Variants in CNTN4 observed in about 807,000 individuals in gnomAD.
CNTN4 encodes contactin 4.
A neutral mutation model predicts 122.5 loss-of-function variants in CNTN4; 77 were observed. The observed-to-expected ratio is 0.63, with a 90% CI of 0.52 to 0.76. The LOEUF (loss-of-function observed/expected upper bound fraction) is 0.76, where lower values mean the gene tolerates loss of function less well. CNTN4 is among the 30% of genes least tolerant of loss of function. The pLI, the probability that CNTN4 is intolerant of heterozygous loss-of-function variation, is 0.00. For missense variants in CNTN4, 1,256 were observed against 1,259.1 expected (o/e 1.00, Z 0.04); for synonymous variants, 512 against 447.0 (o/e 1.15, Z -1.83).
intron 3 of CNTN4, among the ~76,000 whole-genome samples, chr3:2,389,170 A>AT (rs1460019971): frequency 6.6e-6 from 1 of 151,936 alleles, no homozygotes; most frequent in African/African-American, 2.4e-5. Flanking sequence ...CAAAAAAAAA[A>AT]GCCACCTAAG....
At chr3:2,798,877 C>T (rs528354217) in intron 6 of CNTN4, among the ~76,000 whole-genome samples, 8 of 152,202 alleles carry the variant, frequency 5.3e-5, no homozygotes, top group Non-Finnish European at 1.0e-4. Context: ...ATTGCCTGAT[C>T]AATTGGTAGT....
intron 4 of CNTN4, among the ~76,000 whole-genome samples, chr3:2,713,741 G>T (rs112372278): frequency 5.5e-4 from 84 of 152,272 alleles, no homozygotes; most frequent in Middle Eastern, 3.4e-3. Flanking sequence ...TGTAAAATGA[G>T]AATGTTGAGA....
At chr3:2,630,675 G>A (rs376809619) in intron 4 of CNTN4, among the ~76,000 whole-genome samples, 2 of 150,364 alleles carry the variant, frequency 1.3e-5, no homozygotes, top group African/African-American at 4.9e-5. Flanking sequence ...AATTAGTATG[G>A]TATATCCCTA....
chr3:2,710,753 C>T (rs2087096072), intron 4 of CNTN4, among the ~76,000 whole-genome samples: 1 of 152,136 alleles, frequency 6.6e-6, no homozygotes, highest in Admixed American at 6.6e-5. Flanking sequence ...AAGTTTGTTA[C>T]AAAGGAAAAT....
At chr3:2,548,167 T>G (rs1220425665) in intron 3 of CNTN4, among the ~76,000 whole-genome samples, 3 of 152,208 alleles carry the variant, frequency 2.0e-5, no homozygotes, top group Non-Finnish European at 4.4e-5. Flanking sequence ...GTGCGGAAGC[T>G]CTTTACTGTA....
intron 3 of CNTN4, among the ~76,000 whole-genome samples, chr3:2,357,977 G>A (rs909461452): frequency 2.6e-5 from 4 of 152,110 alleles, no homozygotes; most frequent in Non-Finnish European, 5.9e-5. Flanking sequence ...TGTAATATGT[G>A]AATTCTACAC....
intron 8 of CNTN4, among the ~76,000 whole-genome samples, chr3:2,872,132 CAA>C (rs10558916): frequency 0.92 from 139,422 of 152,086 alleles, 64,020 homozygotes; most frequent in East Asian, 0.97. Flanking sequence ...GCACAGATCT[CAA>C]AGAGTTATCC....
rs1337088607 is a variant in CNTN4 at position 2,338,961 on chromosome 3, C to A, written c.-144-217C>A. ...GATGACCTTCTCAAAAGTCACTCAG[C>A]TCATGGGAGGCAAGGCGGAGAATGG... On this transcript the variant is annotated intron_variant, in intron 2 of 24. Transcript: ENST00000418658. 2.6e-5 allele frequency among the ~76,000 whole-genome samples: 4 copies of A among 152,030 alleles called. No individual in the cohort carries two copies. In the South Asian group the frequency reaches 8.3e-4, roughly 31 times the overall value.
chr3:2,653,883 G>C lies in CNTN4; in HGVS notation c.55+82325G>C, dbSNP rs147971868. 2.5e-3 allele frequency among the ~76,000 whole-genome samples: 383 copies of C among 152,270 alleles called. 2 individuals are homozygous for C. The highest frequency in any genetic ancestry group is 8.7e-3 in the African/African-American group (360 of 41,560). On this transcript the variant is annotated intron_variant, in intron 4 of 24. Coordinates refer to ENST00000418658, the MANE Select transcript of CNTN4 (RefSeq NM_175607.3). ...TCTACCAAACCCAGGATGTGTTTTTGATTTATGTGATTTGTGGTTTTGAGT... is the reference window on the plus strand; with the variant it reads ...TCTACCAAACCCAGGATGTGTTTTTCATTTATGTGATTTGTGGTTTTGAGT...
At chr3:2,779,237 GTTGT>G (rs1435878555) in intron 6 of CNTN4, among the ~76,000 whole-genome samples, 11 of 139,012 alleles carry the variant, frequency 7.9e-5, no homozygotes, top group Non-Finnish European at 1.4e-4. Flanking sequence ...AGGTTGTGGT[GTTGT>G]TTGTTTTGTT....
intron 2 of CNTN4, among the ~76,000 whole-genome samples, chr3:2,195,376 A>G (rs1310272624): frequency 1.3e-5 from 2 of 152,336 alleles, no homozygotes; most frequent in Admixed American, 6.5e-5. Flanking sequence ...AAATGCTTCA[A>G]TGAACACGGG....
At chr3:2,231,667 G>A (rs1271564651) in intron 2 of CNTN4, among the ~76,000 whole-genome samples, 2 of 152,024 alleles carry the variant, frequency 1.3e-5, no homozygotes, top group African/African-American at 2.4e-5. Context: ...TGGTTATTTT[G>A]GGTTAAAGTC....
chr3:2,190,878 C>T (rs1355061005), intron 2 of CNTN4, among the ~76,000 whole-genome samples: 1 of 151,666 alleles, frequency 6.6e-6, no homozygotes, highest in Non-Finnish European at 1.5e-5. Context: ...CACACACACA[C>T]CACTACCTTA....
chr3:2,715,793 A>G (rs952398398), intron 4 of CNTN4, among the ~76,000 whole-genome samples: 2 of 152,084 alleles, frequency 1.3e-5, no homozygotes, highest in African/African-American at 4.8e-5. Context: ...TTTTATGAAG[A>G]CAGTATCATG....
intron 8 of CNTN4, among the ~76,000 whole-genome samples, chr3:2,878,924 C>T (rs945923959): frequency 6.6e-6 from 1 of 152,020 alleles, no homozygotes; most frequent in African/African-American, 2.4e-5. Context: ...AATATGCCCA[C>T]ACAAAGACTT....
At chr3:2,136,932 A>G (rs931661982) in intron 2 of CNTN4, among the ~76,000 whole-genome samples, 1 of 152,314 alleles carries the variant, frequency 6.6e-6, no homozygotes, top group South Asian at 2.1e-4. Context: ...CCGGTTTTAT[A>G]TGATTGCTGA....
chr3:2,933,404 A>T (rs772297617), intron 13 of CNTN4, among the ~76,000 whole-genome samples: 61 of 152,252 alleles, frequency 4.0e-4, no homozygotes, highest in Non-Finnish European at 6.6e-4. Context: ...GACGCAGGCC[A>T]TCTGGGGAGA....
chr3:2,938,768 G>C (rs2094587091), intron 13 of CNTN4, among the ~76,000 whole-genome samples: 1 of 152,164 alleles, frequency 6.6e-6, no homozygotes, highest in South Asian at 2.1e-4. Context: ...GGCTGGGTTA[G>C]AACCATGTAA....
intron 14 of CNTN4, among the ~76,000 whole-genome samples, chr3:2,996,066 A>G (rs1695506576): frequency 6.6e-6 from 1 of 152,204 alleles, no homozygotes; most frequent in Non-Finnish European, 1.5e-5. Flanking sequence ...ATGTTTGCAT[A>G]CAGAATACAC....
Sources: allele counts gnomAD v4.1 joint callset (sites outside exome capture counted in the v4.1 genomes callset), GRCh38; gene constraint gnomAD v4.1.1; transcripts MANE v1.5; gene names NCBI Gene and HGNC (gene_info 2026-07-23, HGNC 2026-07-21).